PLCL1: variants seen among roughly 807,000 people sequenced by gnomAD.
PLCL1 encodes phospholipase C like 1 (inactive), also known as inactive phospholipase C-like protein 1.
PLCL1 carries 41 observed loss-of-function variants against 84.4 expected under a neutral mutation model. That is an observed-to-expected ratio of 0.49 (90% CI 0.38 to 0.63). The LOEUF (loss-of-function observed/expected upper bound fraction) is 0.63. Ranked by LOEUF, PLCL1 falls within the 30% of genes least tolerant of loss-of-function variation. PLCL1 has a pLI of 0.00. For synonymous variants in PLCL1, 490 were observed against 488.3 expected (o/e 1.00, Z -0.05); for missense variants, 1,206 against 1,367.8 (o/e 0.88, Z 1.87).
chr2:197,895,884 C>T (rs943097024), intron 1 of PLCL1, among the ~76,000 whole-genome samples: 3 of 151,930 alleles, frequency 2.0e-5, no homozygotes, highest in Non-Finnish European at 2.9e-5. Flanking sequence ...GAACCATACC[C>T]TGCAATTCCT....
At chr2:198,025,677 T>A (rs554287603) in intron 1 of PLCL1, among the ~76,000 whole-genome samples, 1 of 152,202 alleles carries the variant, frequency 6.6e-6, no homozygotes, top group Non-Finnish European at 1.5e-5. Flanking sequence ...ACTAAAAAAA[T>A]GTTTAGTTTT....
chr2:197,886,565 A>T (rs1484618673), intron 1 of PLCL1, among the ~76,000 whole-genome samples: 1 of 151,916 alleles, frequency 6.6e-6, no homozygotes, highest in South Asian at 2.1e-4. Context: ...AAAAAAAATT[A>T]TCAGATTGTC....
At chr2:198,112,239 G>C (rs529624990) in intron 5 of PLCL1, among the ~76,000 whole-genome samples, 1 of 151,906 alleles carries the variant, frequency 6.6e-6, no homozygotes, top group African/African-American at 2.4e-5. Flanking sequence ...CCCAGGGCCT[G>C]ATCACCCCTG....
At chr2:197,847,137 C>T (rs1296505787) in intron 1 of PLCL1, among the ~76,000 whole-genome samples, 3 of 152,230 alleles carry the variant, frequency 2.0e-5, no homozygotes, top group African/African-American at 7.2e-5. Flanking sequence ...GGAGTGTTTA[C>T]TGTAGAAACC....
At chr2:197,871,777 G>A (rs1300507512) in intron 1 of PLCL1, among the ~76,000 whole-genome samples, 1 of 152,104 alleles carries the variant, frequency 6.6e-6, no homozygotes, top group Non-Finnish European at 1.5e-5. Context: ...CTCCCTGAGT[G>A]CTTTGAGTAA....
At chr2:198,047,332 C>T (rs752196731) in intron 1 of PLCL1, among the ~76,000 whole-genome samples, 26 of 152,180 alleles carry the variant, frequency 1.7e-4, no homozygotes, top group Non-Finnish European at 3.2e-4. Flanking sequence ...TACAGGTGCA[C>T]GCCACCAGGC....
chr2:197,885,465 A>C (rs1026746094), intron 1 of PLCL1, among the ~76,000 whole-genome samples: 4 of 152,216 alleles, frequency 2.6e-5, no homozygotes, highest in African/African-American at 9.6e-5. Flanking sequence ...TGTTCTATTC[A>C]AAATGGATTG....
At chr2:197,966,279 A>G (rs551012973) in intron 1 of PLCL1, among the ~76,000 whole-genome samples, 2 of 152,178 alleles carry the variant, frequency 1.3e-5, no homozygotes, top group South Asian at 4.1e-4. Context: ...ACTAGGTCAC[A>G]TGCCCCCAAG....
At chr2:197,967,930 T>C (rs1689778740) in intron 1 of PLCL1, among the ~76,000 whole-genome samples, 1 of 152,202 alleles carries the variant, frequency 6.6e-6, no homozygotes, top group Non-Finnish European at 1.5e-5. Context: ...TTCTCCCTTG[T>C]TCTTGTAAGG....
chr2:197,871,934 A>G, intron 1 of PLCL1, among the ~76,000 whole-genome samples: 1 of 152,138 alleles, frequency 6.6e-6, no homozygotes, highest in Non-Finnish European at 1.5e-5. Context: ...TAATAAACCC[A>G]AGGACATGCT....
rs150370802 is a variant in PLCL1 at position 197,885,692 on chromosome 2, A to G, written c.240+80353A>G. On this transcript the variant is annotated intron_variant, in intron 1 of 5. Transcript: ENST00000428675. ...TTTTCCCTCAGATAGGCCTTCTCTG[A>G]CCATCTTTCTAACTTCATGTCCAAG... Among the ~76,000 whole-genome samples the G allele has an allele frequency of 3.4e-3, 522 of 152,292 alleles. 3 individuals carry two copies. The highest frequency in any genetic ancestry group is 0.012 in the African/African-American group (485 of 41,562).
At position 197,923,259 on chromosome 2, in the gene PLCL1, C is replaced by A. The variant is rs1354876442; in HGVS notation, c.240+117920C>A. 1.5e-4 allele frequency among the ~76,000 whole-genome samples: 20 copies of A among 130,824 alleles called. No individual in the cohort carries two copies. In the East Asian group the frequency reaches 1.6e-3, roughly 11 times the overall value. The allele number at this position is 130,824 out of a possible 152,430, so 85.8% of individuals were successfully genotyped here. ...GGCGGCTGGCCGGGCGGGGGGCTGACCCCCCCCACCTCCCTCCCGGACGGG... is the reference window on the plus strand; with the variant it reads ...GGCGGCTGGCCGGGCGGGGGGCTGAACCCCCCCACCTCCCTCCCGGACGGG... On this transcript the variant is annotated intron_variant, in intron 1 of 5. Transcript: ENST00000428675.
rs538383380 is a variant in PLCL1 at position 197,974,891 on chromosome 2, C to T, written c.241-108867C>T. On this transcript the variant is annotated intron_variant, in intron 1 of 5. Transcript: ENST00000428675. ...GCGCAGTGGCTCACGCCTGTAATCC[C>T]AGCACTTTGGGAGGCCGAGGCGGGT... 1.4e-4 allele frequency among the ~76,000 whole-genome samples: 21 copies of T among 152,256 alleles called. No individual in the cohort carries two copies. The South Asian group carries it at 4.1e-3, about 30-fold the overall frequency.
Position 198,085,322 on chromosome 2 carries a change from T to A in PLCL1, c.1805T>A (p.Leu602Gln), listed in dbSNP as rs761796918. 2 of 1,613,638 alleles carry A rather than the reference T, an allele frequency of 1.2e-6. No homozygotes were observed. Among genetic ancestry groups the A allele is most frequent in the Non-Finnish European group, 1.7e-6 (2 of 1,179,666 alleles). Residue 602 changes from leucine to glutamine, a missense_variant, in exon 2 of 6, where the codon CTA becomes CAA. Physicochemically the swap from Leu to Gln is moderately radical, Grantham distance 113. Coordinates refer to ENST00000428675, the MANE Select transcript of PLCL1 (RefSeq NM_006226.4). The surrounding 1 kb of genome is among the most constrained non-coding windows in gnomAD (Gnocchi z 5.3). ...TCTGTTCAATACAGGGATTTTGAAC[T>A]ATCTATGAAAAGCCAAAACTATTGG... Reference protein sequence around the residue: ...CKSVQYRDFELSMKSQNYWEM... With the variant: ...CKSVQYRDFEQSMKSQNYWEM...
intron 1 of PLCL1, among the ~76,000 whole-genome samples, chr2:197,973,028 C>T (rs187175972): frequency 6.6e-6 from 1 of 152,300 alleles, no homozygotes; most frequent in Admixed American, 6.5e-5. Flanking sequence ...CTCCCCCTGG[C>T]AAGGATAAAC....
At chr2:197,843,761 G>A (rs1427665184) in intron 1 of PLCL1, among the ~76,000 whole-genome samples, 1 of 152,084 alleles carries the variant, frequency 6.6e-6, no homozygotes, top group Non-Finnish European at 1.5e-5. Flanking sequence ...AAAGGGGAAG[G>A]AACAATTTTA....
chr2:198,075,839 A>G (rs1332363875), intron 1 of PLCL1, among the ~76,000 whole-genome samples: 1 of 152,236 alleles, frequency 6.6e-6, no homozygotes, highest in Non-Finnish European at 1.5e-5. Context: ...TATTCCGGAC[A>G]ACATTAGTGT....
chr2:197,947,918 A>C (rs1689313369), intron 1 of PLCL1, among the ~76,000 whole-genome samples: 1 of 152,314 alleles, frequency 6.6e-6, no homozygotes, highest in Non-Finnish European at 1.5e-5. Flanking sequence ...TTTTATTTCA[A>C]GTGTCATGAA....
intron 1 of PLCL1, chr2:197,810,183 TC>T: frequency 2.1e-6 from 1 of 469,952 alleles, no homozygotes; most frequent in Non-Finnish European, 3.4e-6. Context: ...CCCCACAACT[TC>T]AGTTAGAATG....
Sources: allele counts gnomAD v4.1 joint callset (sites outside exome capture counted in the v4.1 genomes callset), GRCh38; gene constraint gnomAD v4.1.1; non-coding constraint Gnocchi (gnomAD v3.1); transcripts MANE v1.5; gene names NCBI Gene and HGNC (gene_info 2026-07-23, HGNC 2026-07-21).